Variants in TSNAX observed in about 807,000 individuals in gnomAD.
TSNAX encodes the protein translin-associated protein X.
TSNAX carries 12 observed loss-of-function variants against 33.0 expected under a neutral mutation model. The observed-to-expected ratio is 0.36, with a 90% confidence interval of 0.23 to 0.59. TSNAX has a LOEUF of 0.59. Ranked by LOEUF, TSNAX falls within the 20% of genes least tolerant of loss-of-function variation. The pLI is 0.74. For synonymous variants in TSNAX, 110 were observed against 117.2 expected (o/e 0.94, Z 0.40); for missense variants, 267 against 341.3 (o/e 0.78, Z 1.72).
chr1:231,542,640 T>G, intron 4 of TSNAX, 29 bp downstream of exon 4: 3 of 1,600,884 alleles, frequency 1.9e-6, no homozygotes, highest in Non-Finnish European at 1.7e-6. Context: ...CAGGGTAATA[T>G]ATATTTTAAA....
chr1:231,544,192 A>G (rs199629584), intron 4 of TSNAX, among the ~76,000 whole-genome samples: 1 of 152,178 alleles, frequency 6.6e-6, no homozygotes, highest in African/African-American at 2.4e-5. Context: ...TAGTTTCTGG[A>G]AAGTGCTTGA....
At chr1:231,549,899 C>T (rs1660185631) in intron 4 of TSNAX, among the ~76,000 whole-genome samples, 1 of 152,174 alleles carries the variant, frequency 6.6e-6, no homozygotes, top group South Asian at 2.1e-4. Context: ...AATTTATTGT[C>T]TTGCAGTTCT....
rs771056384 is a variant in TSNAX at position 231,542,519 on chromosome 1, T to C, written c.275T>C (p.Ile92Thr). The C allele has an allele frequency of 6.2e-7, 1 of 1,614,010 alleles. No homozygotes were observed. The highest frequency in any genetic ancestry group is 2.2e-5 in the East Asian group (1 of 44,832). The change falls in exon 4 of 6, where the codon ATT (isoleucine) becomes ACT (threonine). Residue 92 changes from isoleucine to threonine, a missense_variant. This residue lies in a region of TSNAX where 200 missense variants were observed against 214.1 expected (regional missense o/e 0.93). Transcript: ENST00000366639. ...DMEDILTESE[I>T]KLDGVRQKIF... Reference sequence around the variant, plus strand: ...GAAGATATATTGACTGAATCAGAAATTAAATTGGATGGTGTCAGACAAAAG... The same window carrying C: ...GAAGATATATTGACTGAATCAGAAACTAAATTGGATGGTGTCAGACAAAAG...
chr1:231,531,537 G>T (rs1166709565), intron 2 of TSNAX, among the ~76,000 whole-genome samples: 1 of 152,096 alleles, frequency 6.6e-6, no homozygotes, highest in Non-Finnish European at 1.5e-5. Flanking sequence ...ATCTAACTTT[G>T]TGTTCATAGT....
rs746117139 is a variant in TSNAX at position 231,542,534 on chromosome 1, T to C, written c.290T>C (p.Val97Ala). The change falls in exon 4 of 6, where the codon GTC becomes GCC. Residue 97 changes from valine to alanine, a missense_variant. This residue lies in a region of TSNAX where 200 missense variants were observed against 214.1 expected (regional missense o/e 0.93). Transcript: ENST00000366639. ...LTESEIKLDG[V>A]RQKIFQVAQE... Reference sequence around the variant, plus strand: ...GAATCAGAAATTAAATTGGATGGTGTCAGACAAAAGATATTCCAGGTAGCC... The same window carrying C: ...GAATCAGAAATTAAATTGGATGGTGCCAGACAAAAGATATTCCAGGTAGCC... 6.2e-7 allele frequency: 1 copy of C among 1,614,052 alleles called. No homozygotes were observed. Among genetic ancestry groups the C allele is most frequent in the South Asian group, 1.1e-5 (1 of 91,084 alleles).
intron 3 of TSNAX, among the ~76,000 whole-genome samples, chr1:231,541,014 GTC>G (rs1558124366): frequency 6.6e-6 from 1 of 151,892 alleles, no homozygotes; most frequent in Non-Finnish European, 1.5e-5. Flanking sequence ...TGGATTTCTT[GTC>G]TCTCTTGCTT....
At chr1:231,528,969 G>T in intron 1 of TSNAX, 143 bp downstream of exon 1, 1 of 1,129,400 alleles carries the variant, frequency 8.9e-7, no homozygotes, top group South Asian at 1.3e-5. Context: ...TCTCTCCCCG[G>T]CCAGATCGGC....
At chr1:231,543,480 A>G (rs1168919160) in intron 4 of TSNAX, among the ~76,000 whole-genome samples, 1 of 152,110 alleles carries the variant, frequency 6.6e-6, no homozygotes, top group Non-Finnish European at 1.5e-5. Context: ...ACCTTTGAGC[A>G]TCGTGTCAGC....
chr1:231,537,958 G>C (rs182200094), intron 3 of TSNAX, among the ~76,000 whole-genome samples: 74 of 152,226 alleles, frequency 4.9e-4, no homozygotes, highest in African/African-American at 1.7e-3. Flanking sequence ...GTTAAAATCT[G>C]CATAACCTAT....
intron 4 of TSNAX, among the ~76,000 whole-genome samples, chr1:231,545,789 G>GT (rs1371745958): frequency 6.6e-6 from 1 of 152,090 alleles, no homozygotes; most frequent in Non-Finnish European, 1.5e-5. Context: ...GTTAAGATAT[G>GT]TTTTTAGCCA....
intron 4 of TSNAX, among the ~76,000 whole-genome samples, chr1:231,547,848 T>TTC (rs1348273165): frequency 6.7e-6 from 1 of 149,348 alleles, no homozygotes; most frequent in East Asian, 2.0e-4. Flanking sequence ...TTTCTTTTTT[T>TTC]TTTTTTTTTT....
intron 2 of TSNAX, among the ~76,000 whole-genome samples, chr1:231,529,904 A>G (rs943358597): frequency 6.6e-6 from 1 of 152,244 alleles, no homozygotes; most frequent in Non-Finnish European, 1.5e-5. Flanking sequence ...GTCCCTGTCT[A>G]TCCACTATCC....
intron 4 of TSNAX, among the ~76,000 whole-genome samples, chr1:231,543,429 A>G (rs1659704997): frequency 6.6e-6 from 1 of 151,998 alleles, no homozygotes; most frequent in African/African-American, 2.4e-5. Context: ...TCTCTAATCC[A>G]GGAACCTGAA....
At chr1:231,560,590 G>A (rs1272478125) in intron 4 of TSNAX, among the ~76,000 whole-genome samples, 1 of 150,214 alleles carries the variant, frequency 6.7e-6, no homozygotes. Flanking sequence ...AATATTTTTT[G>A]TATTTTTAGT....
chr1:231,544,197 G>C (rs1659757883), intron 4 of TSNAX, among the ~76,000 whole-genome samples: 1 of 152,180 alleles, frequency 6.6e-6, no homozygotes, highest in African/African-American at 2.4e-5. Flanking sequence ...TCTGGAAAGT[G>C]CTTGAACTGA....
At chr1:231,529,063 A>G (rs1245986648) in intron 1 of TSNAX, among the ~76,000 whole-genome samples, 192 bp from the exon 2 acceptor site, 2 of 152,126 alleles carry the variant, frequency 1.3e-5, no homozygotes, top group East Asian at 3.9e-4. Flanking sequence ...AGATCATAGC[A>G]CCAGTTGGTG....
chr1:231,545,166 T>C (rs1659822122), intron 4 of TSNAX, among the ~76,000 whole-genome samples: 1 of 152,158 alleles, frequency 6.6e-6, no homozygotes, highest in African/African-American at 2.4e-5. Context: ...TAAAATAAGG[T>C]TATTTATAAT....
chr1:231,550,087 C>G (rs902338455), intron 4 of TSNAX, among the ~76,000 whole-genome samples: 1 of 152,152 alleles, frequency 6.6e-6, no homozygotes, highest in African/African-American at 2.4e-5. Context: ...CAGTCATATT[C>G]GATAAAAGTA....
chr1:231,539,621 A>G (rs1274863376), intron 3 of TSNAX, among the ~76,000 whole-genome samples: 3 of 152,226 alleles, frequency 2.0e-5, no homozygotes, highest in Non-Finnish European at 4.4e-5. Flanking sequence ...CATTATAGTA[A>G]ACTTAGAAAA....
Sources: allele counts gnomAD v4.1 joint callset (sites outside exome capture counted in the v4.1 genomes callset), GRCh38; gene constraint gnomAD v4.1.1; regional missense constraint gnomAD v4.1.1; transcripts MANE v1.5; gene names NCBI Gene and HGNC (gene_info 2026-07-23, HGNC 2026-07-21).